The following SGMS1 variants were observed in gnomAD, a reference collection of about 807,000 sequenced individuals.
SGMS1 encodes the protein phosphatidylcholine:ceramide cholinephosphotransferase 1.
In SGMS1, 13 loss-of-function variants were observed where a neutral mutation model predicts 46.2. The ratio of observed to expected loss-of-function variants is 0.28; its 90% confidence interval spans 0.18 to 0.45. The LOEUF (loss-of-function observed/expected upper bound fraction) is 0.45. SGMS1 is among the 20% of genes least tolerant of loss of function. SGMS1 has a pLI of 1.00. For missense variants in SGMS1, 324 were observed against 519.9 expected (o/e 0.62, Z 3.66); for synonymous variants, 203 against 187.8 (o/e 1.08, Z -0.66).
intron 3 of SGMS1, among the ~76,000 whole-genome samples, chr10:50,511,763 C>A (rs909845976): frequency 2.0e-5 from 3 of 152,142 alleles, no homozygotes; most frequent in Non-Finnish European, 4.4e-5. Context: ...TAATCCATCA[C>A]TGGCTTTTGG....
At chr10:50,392,634 G>A (rs1345171698) in intron 6 of SGMS1, among the ~76,000 whole-genome samples, 1 of 152,028 alleles carries the variant, frequency 6.6e-6, no homozygotes, top group African/African-American at 2.4e-5. Flanking sequence ...ACATCACCAG[G>A]GCACAGTCCA....
At chr10:50,591,400 C>T (rs922433620) in intron 1 of SGMS1, among the ~76,000 whole-genome samples, 2 of 152,146 alleles carry the variant, frequency 1.3e-5, no homozygotes, top group African/African-American at 4.8e-5. Flanking sequence ...AATGGCCAAA[C>T]AACACATCAC....
intron 2 of SGMS1, among the ~76,000 whole-genome samples, chr10:50,540,274 C>T (rs1266961188): frequency 1.3e-5 from 2 of 152,098 alleles, no homozygotes; most frequent in East Asian, 3.9e-4. Flanking sequence ...CTAAGAAAGC[C>T]AGCCCAGGGG....
chr10:50,518,773 C>G (rs1837831763), intron 3 of SGMS1, among the ~76,000 whole-genome samples: 1 of 151,974 alleles, frequency 6.6e-6, no homozygotes, highest in South Asian at 2.1e-4. Flanking sequence ...GACTATCTTT[C>G]AAAAAACAAA....
rs1269444770 is a variant in SGMS1, at chr10:50,466,899, G to C, written c.-464C>G. 6.6e-6 allele frequency: 1 copy of C among 152,114 alleles called. No homozygotes were observed. The highest frequency in any genetic ancestry group is 1.5e-5 in the Non-Finnish European group (1 of 67,982). 9.4% of individuals were successfully genotyped at this position (152,114 alleles called of 1,614,324 possible). On this transcript the variant is annotated 5_prime_UTR_variant, in exon 4 of 11. Transcript: ENST00000361781. ...TTAAAAATCAGTTTACCTGAATCAT[G>C]CTGTTATTTTTCTTCATCAGTCTTC...
At chr10:50,589,388 A>G (rs1353411705) in intron 2 of SGMS1, among the ~76,000 whole-genome samples, 1 of 152,110 alleles carries the variant, frequency 6.6e-6, no homozygotes, top group Non-Finnish European at 1.5e-5. Flanking sequence ...CAACCTCCCA[A>G]GTAGCTAGGA....
At chr10:50,569,450 C>G (rs1022705482) in intron 2 of SGMS1, among the ~76,000 whole-genome samples, 1 of 152,042 alleles carries the variant, frequency 6.6e-6, no homozygotes, top group African/African-American at 2.4e-5. Flanking sequence ...CCTGTATAAA[C>G]CAGTTGTTAG....
intron 6 of SGMS1, among the ~76,000 whole-genome samples, chr10:50,355,843 G>T (rs367646469): frequency 2.8e-4 from 43 of 152,008 alleles, no homozygotes; most frequent in Admixed American, 1.6e-3. Flanking sequence ...CCTCTGCCCC[G>T]CCGCCCTGTC....
At position 50,328,382 on chromosome 10, in the gene SGMS1, T is replaced by C. The variant is rs138138291; in HGVS notation, c.624-1060A>G. ...AGAAACAGTGGGCAGGTGTTCCTCT[T>C]AGGATCTTGGCCATTCAATCATTAT... On this transcript the variant is annotated intron_variant, in intron 7 of 10. Coordinates refer to ENST00000361781, the MANE Select transcript of SGMS1 (RefSeq NM_147156.4). 3.2e-3 allele frequency among the ~76,000 whole-genome samples: 488 copies of C among 152,304 alleles called. 2 individuals are homozygous for C. Among genetic ancestry groups the C allele is most frequent in the Non-Finnish European group, 6.3e-3 (428 of 68,018 alleles).
intron 2 of SGMS1, among the ~76,000 whole-genome samples, chr10:50,560,902 G>A (rs909966613): frequency 6.6e-6 from 1 of 152,070 alleles, no homozygotes; most frequent in Non-Finnish European, 1.5e-5. Context: ...GTTTTTAAAG[G>A]CTGCATTACT....
rs946365515 is a variant in SGMS1, at chr10:50,311,201, G to T, written c.895+61C>A. On this transcript the variant is annotated intron_variant, in intron 9 of 10. Coordinates refer to ENST00000361781, the MANE Select transcript of SGMS1 (RefSeq NM_147156.4). ...TTTCCAGAAAATGAGCTTTACCAGA[G>T]GACCAGAGTTCATGAGAAATGGCAG... 5.7e-5 allele frequency: 90 copies of T among 1,570,518 alleles called. 1 individual carries two copies. The Middle Eastern group carries it at 2.7e-3, about 48-fold the overall frequency.
chr10:50,589,215 C>T (rs1022716035), intron 2 of SGMS1, among the ~76,000 whole-genome samples: 7 of 152,118 alleles, frequency 4.6e-5, no homozygotes, highest in Admixed American at 2.6e-4. Flanking sequence ...TTTCTCATAT[C>T]AAATTCATAT....
chr10:50,607,232 C>T (rs1838706223), intron 1 of SGMS1, among the ~76,000 whole-genome samples: 1 of 151,224 alleles, frequency 6.6e-6, no homozygotes, highest in Admixed American at 6.6e-5. Flanking sequence ...ATCCACCCAC[C>T]TCGGCCTCCC....
chr10:50,422,213 G>C (rs1018334945), intron 6 of SGMS1, among the ~76,000 whole-genome samples: 3 of 152,080 alleles, frequency 2.0e-5, no homozygotes, highest in Admixed American at 2.0e-4. Context: ...TGAGGTAGAC[G>C]TGTTTCCGAG....
rs10524155 is a variant in SGMS1, at chr10:50,400,396, CATAT to C, written c.-232+33076_-232+33079del. On this transcript the variant is annotated intron_variant, in intron 6 of 10. Transcript: ENST00000361781. The stretch of plus-strand genomic sequence containing the variant: ...ACAAGACCTATAGAACACATCCTGG[CATAT>C]ATATATATATATATATATATATATA... Among the ~76,000 whole-genome samples the C allele has an allele frequency of 1.3e-3, 124 of 98,662 alleles. 1 individual carries two copies. The highest frequency in any genetic ancestry group is 1.9e-3 in the South Asian group (5 of 2,616). 64.7% of individuals were successfully genotyped at this position (98,662 alleles called of 152,430 possible).
intron 6 of SGMS1, among the ~76,000 whole-genome samples, chr10:50,414,975 T>C (rs1227502094): frequency 1.3e-5 from 2 of 152,196 alleles, no homozygotes; most frequent in East Asian, 3.9e-4. Context: ...AGCACGTTAT[T>C]AAATGCTCTG....
chr10:50,318,648 T>C (rs774938160), intron 8 of SGMS1, among the ~76,000 whole-genome samples: 1 of 152,148 alleles, frequency 6.6e-6, no homozygotes, highest in South Asian at 2.1e-4. Context: ...TAGTAATCAC[T>C]CCACTCCTGG....
intron 3 of SGMS1, among the ~76,000 whole-genome samples, chr10:50,476,326 G>A (rs912473480): frequency 2.9e-5 from 4 of 139,220 alleles, no homozygotes; most frequent in East Asian, 2.2e-4. Flanking sequence ...GGAGAGAGGA[G>A]GGGAGGGGAG....
At chr10:50,365,207 C>A (rs866723574) in intron 6 of SGMS1, among the ~76,000 whole-genome samples, 14 of 131,302 alleles carry the variant, frequency 1.1e-4, no homozygotes, top group African/African-American at 4.1e-4. Context: ...GAGCCGAGGT[C>A]GTGCTACTGC....
Sources: allele counts gnomAD v4.1 joint callset (sites outside exome capture counted in the v4.1 genomes callset), GRCh38; gene constraint gnomAD v4.1.1; transcripts MANE v1.5; gene names NCBI Gene and HGNC (gene_info 2026-07-23, HGNC 2026-07-21).